Variants in MCC observed in about 807,000 individuals in gnomAD.
MCC encodes colorectal mutant cancer protein.
MCC carries 90 observed loss-of-function variants against 116.2 expected under a neutral mutation model. That is an observed-to-expected ratio of 0.77 (90% confidence interval 0.65 to 0.92). The LOEUF (loss-of-function observed/expected upper bound fraction) is 0.92. Among genes scored for constraint, MCC ranks in the 40% least tolerant of loss-of-function variants. MCC has a pLI of 0.00. For missense variants in MCC, 1,516 were observed against 1,312.2 expected (o/e 1.16, Z -2.40); for synonymous variants, 578 against 510.5 (o/e 1.13, Z -1.78).
At chr5:113,188,315 C>T (rs1244954255) in intron 3 of MCC, among the ~76,000 whole-genome samples, 1 of 152,102 alleles carries the variant, frequency 6.6e-6, no homozygotes, top group Non-Finnish European at 1.5e-5. Context: ...TCATTGTTTA[C>T]CAAAAGGAGG....
At chr5:113,469,307 C>G (rs1487564474) in intron 1 of MCC, among the ~76,000 whole-genome samples, 2 of 152,050 alleles carry the variant, frequency 1.3e-5, no homozygotes, top group African/African-American at 4.8e-5. Flanking sequence ...CCTGCTTTCT[C>G]TTGTGGGCGT....
intron 5 of MCC, among the ~76,000 whole-genome samples, chr5:113,140,304 A>C (rs979771147): frequency 6.6e-6 from 1 of 152,226 alleles, no homozygotes; most frequent in Non-Finnish European, 1.5e-5. Context: ...TTGCTTTATT[A>C]GATGAGGAGG....
chr5:113,066,430 G>A (rs577870002), intron 13 of MCC, among the ~76,000 whole-genome samples: 5 of 152,250 alleles, frequency 3.3e-5, no homozygotes, highest in South Asian at 2.1e-4. Context: ...GAAAAATGAG[G>A]TTTCTAATGG....
chr5:113,136,801 C>T (rs977222078), intron 5 of MCC, among the ~76,000 whole-genome samples: 6 of 152,124 alleles, frequency 3.9e-5, no homozygotes, highest in Non-Finnish European at 8.8e-5. Flanking sequence ...GATAATTCTG[C>T]GAACAAGGTG....
At chr5:113,060,696 C>A (rs1753154239) in intron 14 of MCC, among the ~76,000 whole-genome samples, 1 of 152,148 alleles carries the variant, frequency 6.6e-6, no homozygotes, top group African/African-American at 2.4e-5. Context: ...CCATAAAAAG[C>A]ATTCCATGTC....
intron 3 of MCC, among the ~76,000 whole-genome samples, chr5:113,330,823 A>G (rs1462061127): frequency 1.3e-5 from 2 of 152,238 alleles, no homozygotes; most frequent in Non-Finnish European, 2.9e-5. Context: ...AGAATAAAAC[A>G]TGAACCTCTG....
chr5:113,115,534 A>G (rs1001152485), intron 6 of MCC, among the ~76,000 whole-genome samples: 1 of 152,164 alleles, frequency 6.6e-6, no homozygotes, highest in East Asian at 1.9e-4. Context: ...ATAACCTAAC[A>G]TCAACTCCAG....
intron 2 of MCC, among the ~76,000 whole-genome samples, chr5:113,356,063 A>ATTT (rs5870538): frequency 6.7e-4 from 94 of 140,132 alleles, no homozygotes; most frequent in East Asian, 1.7e-3. Context: ...GGCAAGGTGT[A>ATTT]TTTTTTTTTT....
Position 113,162,853 on chromosome 5 carries a change from A to T in MCC, c.628-11431T>A, listed in dbSNP as rs1476417785. ...ATATGCCACCCCTTCTGCCTGCTAA[A>T]AAGTGTCAAAATAAAATCAGGCTTT... is the stretch of plus-strand genomic sequence containing the variant. On this transcript the variant is annotated intron_variant, in intron 3 of 18. Coordinates refer to ENST00000408903, the MANE Select transcript of MCC (RefSeq NM_001085377.2). Among the ~76,000 whole-genome samples, 5 of 152,146 alleles carry T rather than the reference A, an allele frequency of 3.3e-5. No homozygotes were observed. In the South Asian group the frequency reaches 1.0e-3, roughly 32 times the overall value.
intron 3 of MCC, among the ~76,000 whole-genome samples, chr5:113,282,931 T>G (rs920312238): frequency 3.9e-5 from 6 of 152,220 alleles, no homozygotes; most frequent in African/African-American, 1.4e-4. Context: ...TTGAAGACTG[T>G]GAAATCACAT....
chr5:113,150,071 G>C (rs1441766721), intron 4 of MCC, among the ~76,000 whole-genome samples: 1 of 152,228 alleles, frequency 6.6e-6, no homozygotes, highest in East Asian at 1.9e-4. Context: ...ACTGCCCTCA[G>C]GACTGCCTTC....
intron 9 of MCC, among the ~76,000 whole-genome samples, chr5:113,084,669 C>T (rs1430390904): frequency 6.6e-5 from 10 of 152,238 alleles, no homozygotes; most frequent in African/African-American, 2.2e-4. Context: ...GAGACAGACT[C>T]AACATAGGTA....
intron 2 of MCC, among the ~76,000 whole-genome samples, chr5:113,380,431 A>T (rs11948413): frequency 0.032 from 4,837 of 152,300 alleles, 243 homozygotes; most frequent in African/African-American, 0.11. Flanking sequence ...TCACATTATA[A>T]GTTATTTAGT....
At chr5:113,361,697 G>C (rs1019375808) in intron 2 of MCC, among the ~76,000 whole-genome samples, 2 of 152,192 alleles carry the variant, frequency 1.3e-5, no homozygotes, top group African/African-American at 2.4e-5. Flanking sequence ...ACTGAGTAAG[G>C]AAGATCTGCC....
chr5:113,228,296 G>T (rs576114047), intron 3 of MCC, among the ~76,000 whole-genome samples: 1 of 152,130 alleles, frequency 6.6e-6, no homozygotes, highest in African/African-American at 2.4e-5. Context: ...ATGCTGTCTC[G>T]TGAGAATGAG....
intron 1 of MCC, chr5:113,428,596 C>G (rs1770542571): frequency 1.3e-5 from 2 of 152,254 alleles, no homozygotes; most frequent in Admixed American, 1.3e-4. Flanking sequence ...GAGACATCTC[C>G]TGTAAGTCTG....
Position 113,049,290 on chromosome 5 carries a change from C to T in MCC, c.2458G>A (p.Ala820Thr). 6.3e-7 allele frequency: 1 copy of T among 1,592,526 alleles called. No individual in the cohort carries two copies. The highest frequency in any genetic ancestry group is 8.6e-7 in the Non-Finnish European group (1 of 1,168,568). ...QELMAMKEEM[A>T]ELKAQLYLLE... ...AGGTAGAGCTGGGCCTTCAACTCGG[C>T]CATCTCCTCCTACAGACAAAGGAGC... is the stretch of plus-strand genomic sequence containing the variant. Residue 820 changes from alanine to threonine, a missense_variant, in exon 16 of 19, where the codon GCC (alanine) becomes ACC (threonine). Ala to Thr is a moderately conservative substitution (Grantham distance 58). Coordinates refer to ENST00000408903, the MANE Select transcript of MCC (RefSeq NM_001085377.2).
In MCC at chr5:113,191,843, AGTT is replaced by A. The variant is rs1363571605; in HGVS notation, c.628-40424_628-40422del. On this transcript the variant is annotated intron_variant, in intron 3 of 18. Coordinates refer to ENST00000408903, the MANE Select transcript of MCC (RefSeq NM_001085377.2). ...ACACCTTGATTTAGGTGTAGTGTCAAGTTGTTGTTTTTCTCTCTTCTATGGGAC... is the reference window on the plus strand; with the variant it reads ...ACACCTTGATTTAGGTGTAGTGTCAAGTTGTTTTTCTCTCTTCTATGGGAC... Among the ~76,000 whole-genome samples the A allele has an allele frequency of 3.9e-5, 6 of 152,254 alleles. No individual in the cohort carries two copies. In the East Asian group the frequency reaches 1.2e-3, roughly 29 times the overall value.
chr5:113,065,812 G>C (rs1753563245), intron 13 of MCC, among the ~76,000 whole-genome samples: 1 of 152,240 alleles, frequency 6.6e-6, no homozygotes, highest in Admixed American at 6.5e-5. Flanking sequence ...TGATGGCACA[G>C]TATGATGGGC....
Sources: allele counts gnomAD v4.1 joint callset (sites outside exome capture counted in the v4.1 genomes callset), GRCh38; gene constraint gnomAD v4.1.1; transcripts MANE v1.5; gene names NCBI Gene and HGNC (gene_info 2026-07-23, HGNC 2026-07-21).